Variants in ACKR2 observed in about 807,000 individuals in gnomAD.
ACKR2 encodes the protein atypical chemokine receptor 2, also known as C-C chemokine receptor D6.
For missense variants in ACKR2, 457 were observed against 477.3 expected (o/e 0.96, Z 0.40); for synonymous variants, 207 against 192.2 (o/e 1.08, Z -0.64).
At position 42,852,916 on chromosome 3, in the gene ACKR2, G is replaced by A. The variant is rs1389523808; in HGVS notation, c.-37-11550G>A. Among the ~76,000 whole-genome samples the A allele has an allele frequency of 3.9e-5, 6 of 152,160 alleles. No homozygotes were observed. The highest frequency in any genetic ancestry group is 7.2e-5 in the African/African-American group (3 of 41,426). ...GAGTGTGCCGTGATCTGGAATCAGA[G>A]GCCAGCTGATTCCTCTGGCCAGCTG... On this transcript the variant is annotated intron_variant, in intron 2 of 2. Transcript: ENST00000422265. The surrounding 1 kb of genome is among the most constrained non-coding windows in gnomAD (Gnocchi z 4.3).
intron 2 of ACKR2, among the ~76,000 whole-genome samples, chr3:42,830,782 CTT>C (rs1283802548): frequency 1.3e-5 from 2 of 151,738 alleles, no homozygotes; most frequent in African/African-American, 4.8e-5. Context: ...TGTGGCCTCT[CTT>C]TATCCCTCTC....
chr3:42,845,114 C>T (rs1057202424), intron 2 of ACKR2, among the ~76,000 whole-genome samples: 8 of 152,192 alleles, frequency 5.3e-5, no homozygotes, highest in African/African-American at 1.7e-4. Flanking sequence ...CCCTAAGTCC[C>T]GCAAACACCA....
At chr3:42,860,293 C>T (rs1016159101) in intron 2 of ACKR2, among the ~76,000 whole-genome samples, 2 of 150,544 alleles carry the variant, frequency 1.3e-5, no homozygotes, top group Admixed American at 6.7e-5. Flanking sequence ...CAATGCAACA[C>T]GAAGAGCTAA....
At chr3:42,839,862 A>C (rs1345674415) in intron 2 of ACKR2, among the ~76,000 whole-genome samples, 4 of 152,196 alleles carry the variant, frequency 2.6e-5, no homozygotes, top group Admixed American at 1.3e-4. Flanking sequence ...GTAGAAGTGC[A>C]TGTAAAGGCT....
At chr3:42,811,730 G>A (rs553441444) in intron 1 of ACKR2, among the ~76,000 whole-genome samples, 8 of 152,126 alleles carry the variant, frequency 5.3e-5, no homozygotes, top group East Asian at 1.9e-4. Flanking sequence ...AAACCCGATC[G>A]TAAATTCCTC....
At chr3:42,846,614 C>T (rs147582081) in intron 2 of ACKR2, among the ~76,000 whole-genome samples, 20 of 152,294 alleles carry the variant, frequency 1.3e-4, no homozygotes, top group East Asian at 5.8e-4. Flanking sequence ...GGGCTGCATG[C>T]GGCCTGTTGG....
intron 2 of ACKR2, among the ~76,000 whole-genome samples, chr3:42,823,274 C>T (rs1272496830): frequency 2.6e-5 from 4 of 152,160 alleles, no homozygotes; most frequent in Non-Finnish European, 5.9e-5. Flanking sequence ...TTACAGCATC[C>T]CCTCCCCTGC....
At chr3:42,838,438 T>C (rs1184894571) in intron 2 of ACKR2, among the ~76,000 whole-genome samples, 1 of 152,174 alleles carries the variant, frequency 6.6e-6, no homozygotes, top group Non-Finnish European at 1.5e-5. Context: ...AGGAAGCATA[T>C]GAAAATACGT....
intron 2 of ACKR2, among the ~76,000 whole-genome samples, chr3:42,828,405 C>G (rs562937336): frequency 3.3e-5 from 5 of 152,266 alleles, no homozygotes; most frequent in Admixed American, 3.3e-4. Flanking sequence ...GCCACCGCGC[C>G]TGGCCAGCTT....
intron 2 of ACKR2, among the ~76,000 whole-genome samples, chr3:42,833,777 C>T (rs1218058801): frequency 6.6e-6 from 1 of 151,604 alleles, no homozygotes; most frequent in African/African-American, 2.4e-5. Flanking sequence ...TATTTTAAGG[C>T]CATTTTCTTT....
At chr3:42,859,111 T>C (rs2088353066) in intron 2 of ACKR2, among the ~76,000 whole-genome samples, 2 of 152,134 alleles carry the variant, frequency 1.3e-5, no homozygotes, top group African/African-American at 2.4e-5. Flanking sequence ...TTCAGGATAT[T>C]ATCCAGGAGA....
At chr3:42,817,345 C>T (rs1377403010) in intron 1 of ACKR2, among the ~76,000 whole-genome samples, 1 of 152,192 alleles carries the variant, frequency 6.6e-6, no homozygotes, top group Non-Finnish European at 1.5e-5. Context: ...TCAGCCTCGA[C>T]TTCCATTCCC....
At chr3:42,844,895 C>T (rs1701076805) in intron 2 of ACKR2, among the ~76,000 whole-genome samples, 2 of 152,160 alleles carry the variant, frequency 1.3e-5, no homozygotes, top group Admixed American at 6.5e-5. Flanking sequence ...CTTGGTGGCA[C>T]CTGTCCACAC....
chr3:42,841,745 C>T (rs1207888109), intron 2 of ACKR2: 1 of 152,270 alleles, frequency 6.6e-6, no homozygotes, highest in African/African-American at 2.4e-5. Flanking sequence ...TATGATTTAC[C>T]TCCAGATGAA....
At chr3:42,837,429 C>T (rs113687938) in intron 2 of ACKR2, among the ~76,000 whole-genome samples, 1 of 152,140 alleles carries the variant, frequency 6.6e-6, no homozygotes. Context: ...ACTGTGTTGC[C>T]CAGGCTGTTC....
At chr3:42,822,452 C>T (rs1700817535) in intron 2 of ACKR2, among the ~76,000 whole-genome samples, 1 of 152,174 alleles carries the variant, frequency 6.6e-6, no homozygotes, top group African/African-American at 2.4e-5. Context: ...TTTCCTAGTA[C>T]TTGTATTTTC....
At chr3:42,849,886 CTT>C (rs767160518) in intron 2 of ACKR2, among the ~76,000 whole-genome samples, 14 of 152,144 alleles carry the variant, frequency 9.2e-5, no homozygotes, top group Non-Finnish European at 1.5e-4. Context: ...AAATACATGT[CTT>C]ATATATTAAA....
intron 2 of ACKR2, among the ~76,000 whole-genome samples, chr3:42,831,150 C>T (rs1035913544): frequency 1.3e-5 from 2 of 151,998 alleles, no homozygotes; most frequent in African/African-American, 4.8e-5. Flanking sequence ...TATCAGTGTG[C>T]GAGATGGGTT....
intron 1 of ACKR2, among the ~76,000 whole-genome samples, chr3:42,814,161 T>C (rs892056089): frequency 6.6e-6 from 1 of 152,356 alleles, no homozygotes; most frequent in South Asian, 2.1e-4. Context: ...CTACACTTTA[T>C]ACCATATCAT....
Sources: gnomAD v4.1 joint callset for allele counts (sites outside exome capture counted in the v4.1 genomes callset) on GRCh38, gnomAD v4.1.1 for gene constraint, Gnocchi (gnomAD v3.1) non-coding constraint, MANE v1.5 for transcripts, NCBI Gene and HGNC (gene_info 2026-07-23, HGNC 2026-07-21) for gene names.